KIDINS220: variants seen among roughly 807,000 people sequenced by gnomAD.
KIDINS220 encodes the protein kinase D interacting substrate 220.
In KIDINS220, 63 loss-of-function variants were observed where a neutral mutation model predicts 157.6. The observed-to-expected ratio is 0.40, with a 90% CI of 0.33 to 0.49. KIDINS220 has a LOEUF of 0.49. Among genes scored for constraint, KIDINS220 ranks in the 20% least tolerant of loss-of-function variants. The pLI is 0.66. For missense variants in KIDINS220, 1,772 were observed against 2,171.2 expected (o/e 0.82, Z 3.65); for synonymous variants, 732 against 783.6 (o/e 0.93, Z 1.10).
Position 8,731,225 on chromosome 2 carries a change from G to A in KIDINS220, c.4811C>T (p.Ala1604Val), listed in dbSNP as rs761174681. Residue 1604 changes from alanine to valine, a missense_variant, in exon 30 of 30, where the codon GCG becomes GTG. By Grantham distance (64) the Ala-to-Val change is moderately conservative (BLOSUM62 0). Around this residue, in one of 3 missense-constraint regions of KIDINS220, gnomAD observed 793 missense variants for 885.5 expected, o/e 0.90. Coordinates refer to ENST00000256707, the MANE Select transcript of KIDINS220 (RefSeq NM_020738.4). This position sits in a 1 kb window ranked among gnomAD's most constrained non-coding sequence, Gnocchi z 5.2. ...TGCCTTTTCAAGCTGGGAGTCATCC[G>A]CCACTTCATTGTGCAGAGAGTGATT... ...SPNHSLHNEV[A>V]DDSQLEKANL... The A allele has an allele frequency of 5.0e-6, 8 of 1,614,082 alleles. No homozygotes were observed. The highest frequency in any genetic ancestry group is 1.6e-4 in the Middle Eastern group (1 of 6,062).
chr2:8,825,119 C>T (rs564956336), intron 2 of KIDINS220, among the ~76,000 whole-genome samples: 30 of 152,216 alleles, frequency 2.0e-4, no homozygotes, highest in Middle Eastern at 3.4e-3. Flanking sequence ...TGCCTGCAAT[C>T]ACAGTACTTT....
chr2:8,829,162 A>T (rs1679251416), intron 1 of KIDINS220, among the ~76,000 whole-genome samples: 1 of 152,208 alleles, frequency 6.6e-6, no homozygotes, highest in Non-Finnish European at 1.5e-5. Context: ...CCAGGGTCTA[A>T]GGCAGGGGAA....
Position 8,730,603 on chromosome 2 carries a change from C to G in KIDINS220, c.*117G>C, listed in dbSNP as rs755702087. ...GATGTCTCTTTTACCTCGGCCTCAT[C>G]ATCGGTTAGTTATCTGTCAGCAAAA... is the stretch of plus-strand genomic sequence containing the variant. On this transcript the variant is annotated 3_prime_UTR_variant, in exon 30 of 30. Transcript: ENST00000256707. 1.4e-6 allele frequency: 2 copies of G among 1,451,350 alleles called. No individual in the cohort carries two copies. Among genetic ancestry groups the G allele is most frequent in the Non-Finnish European group, 1.8e-6 (2 of 1,108,594 alleles). The allele number at this position is 1,451,350 out of a possible 1,614,324, so 89.9% of individuals were successfully genotyped here.
chr2:8,826,122 T>C (rs1678778220), intron 2 of KIDINS220, among the ~76,000 whole-genome samples: 1 of 152,124 alleles, frequency 6.6e-6, no homozygotes, highest in Non-Finnish European at 1.5e-5. Flanking sequence ...GTTTGGCTTT[T>C]CATAATGAAC....
chr2:8,835,032 T>A (rs781762277), intron 1 of KIDINS220, among the ~76,000 whole-genome samples: 3 of 152,116 alleles, frequency 2.0e-5, no homozygotes, highest in African/African-American at 2.4e-5. Flanking sequence ...TTAATTTTTG[T>A]AGAGACAGGA....
intron 22 of KIDINS220, among the ~76,000 whole-genome samples, chr2:8,755,343 T>C (rs1488098854): frequency 6.6e-6 from 1 of 152,244 alleles, no homozygotes; most frequent in Non-Finnish European, 1.5e-5. Context: ...ATATGTATCA[T>C]AATTCTGCAC....
At chr2:8,744,416 A>T in intron 26 of KIDINS220, among the ~76,000 whole-genome samples, 1 of 92,106 alleles carries the variant, frequency 1.1e-5, no homozygotes, top group African/African-American at 4.4e-5. Context: ...ATATATATAT[A>T]TATATATATA....
intron 22 of KIDINS220, among the ~76,000 whole-genome samples, chr2:8,766,448 TTTA>T (rs1281518560): frequency 6.6e-6 from 1 of 152,196 alleles, no homozygotes; most frequent in East Asian, 1.9e-4. Flanking sequence ...TCTTCTACCT[TTTA>T]TTCTTTCCAC....
Position 8,747,929 on chromosome 2 carries a change from T to G in KIDINS220, c.3486A>C (p.Pro1162=). Residue 1162 remains proline, a synonymous_variant, in exon 25 of 30, where the codon CCA becomes CCC. Coordinates refer to ENST00000256707, the MANE Select transcript of KIDINS220 (RefSeq NM_020738.4). ...PGGSQHLISR[P]SVKTSLPRDQ... is the part of the protein sequence containing the mutation. The stretch of plus-strand genomic sequence containing the variant: ...CTCTGGGCAAACTCGTTTTTACTGA[T>G]GGACGTGAGATGAGATGTTGGGAGC... 1.2e-6 allele frequency: 2 copies of G among 1,606,786 alleles called. No individual in the cohort carries two copies. The highest frequency in any genetic ancestry group is 1.7e-6 in the Non-Finnish European group (2 of 1,177,100).
Position 8,731,836 on chromosome 2 carries a change from G to C in KIDINS220, c.4200C>G (p.Gly1400=). 1.2e-6 allele frequency: 2 copies of C among 1,614,060 alleles called. No individual in the cohort carries two copies. The highest frequency in any genetic ancestry group is 1.7e-6 in the Non-Finnish European group (2 of 1,180,008). The change falls in exon 30 of 30, where the codon GGC becomes GGG. Residue 1400 remains glycine (G), a synonymous_variant. Coordinates refer to ENST00000256707, the MANE Select transcript of KIDINS220 (RefSeq NM_020738.4). This position sits in a 1 kb window ranked among gnomAD's most constrained non-coding sequence, Gnocchi z 5.2. ...YIAQMSQLEG[G]PGSTTISGRS... ...TGCCACTAATGGTTGTAGACCCGGGGCCCCCTTCTAACTGGGACATCTGAG... is the reference window on the plus strand; with the variant it reads ...TGCCACTAATGGTTGTAGACCCGGGCCCCCCTTCTAACTGGGACATCTGAG...
At chr2:8,823,975 C>CA (rs145079836) in intron 2 of KIDINS220, among the ~76,000 whole-genome samples, 12,387 of 143,750 alleles carry the variant, frequency 0.086, 605 homozygotes, top group East Asian at 0.18. Context: ...TCTGAAGACT[C>CA]AAAAAAAAAA....
intron 14 of KIDINS220, 76 bp downstream of exon 14, chr2:8,789,804 A>T (rs202105773): frequency 8.8e-7 from 1 of 1,132,212 alleles, no homozygotes; most frequent in East Asian, 2.6e-5. Context: ...AAGACAGATA[A>T]AGAAAATGTT....
chr2:8,780,819 T>TA (rs1428091451), intron 17 of KIDINS220, among the ~76,000 whole-genome samples: 6 of 150,480 alleles, frequency 4.0e-5, no homozygotes, highest in Non-Finnish European at 7.4e-5. Flanking sequence ...AATGGAATCA[T>TA]AAAAAAATGC....
downstream of KIDINS220, among the ~76,000 whole-genome samples, chr2:8,726,386 C>A (rs1293600012): frequency 2.0e-5 from 3 of 152,240 alleles, no homozygotes; most frequent in Non-Finnish European, 2.9e-5. Flanking sequence ...AATCATTTTA[C>A]TTAAAAGGTT....
At chr2:8,756,348 T>C (rs1668011202) in intron 22 of KIDINS220, among the ~76,000 whole-genome samples, 1 of 152,242 alleles carries the variant, frequency 6.6e-6, no homozygotes, top group African/African-American at 2.4e-5. Flanking sequence ...TGCTGATTAA[T>C]TAGCTCTAAT....
intron 4 of KIDINS220, among the ~76,000 whole-genome samples, chr2:8,814,280 G>C (rs1036673693): frequency 1.3e-5 from 2 of 152,196 alleles, no homozygotes; most frequent in Middle Eastern, 6.8e-3. Context: ...TCTTACTAAG[G>C]AATTTTTTTT....
intron 21 of KIDINS220, among the ~76,000 whole-genome samples, chr2:8,773,184 A>C (rs1386370128): frequency 6.6e-6 from 1 of 152,242 alleles, no homozygotes; most frequent in Non-Finnish European, 1.5e-5. Context: ...ATTTGATGAG[A>C]CATAAAAGAC....
chr2:8,749,428 G>C (rs1398279562), intron 24 of KIDINS220: 1 of 455,906 alleles, frequency 2.2e-6, no homozygotes, highest in Non-Finnish European at 4.4e-6. Context: ...TTTCCTACAG[G>C]AAATATTAGT....
intron 1 of KIDINS220, among the ~76,000 whole-genome samples, chr2:8,834,707 G>C (rs1680145633): frequency 1.3e-5 from 2 of 152,128 alleles, no homozygotes; most frequent in Non-Finnish European, 2.9e-5. Context: ...ACATGCCCAA[G>C]CTGATCCAAC....
Sources: allele counts gnomAD v4.1 joint callset (sites outside exome capture counted in the v4.1 genomes callset), GRCh38; gene constraint gnomAD v4.1.1; regional missense constraint gnomAD v4.1.1; non-coding constraint Gnocchi (gnomAD v3.1); transcripts MANE v1.5; gene names NCBI Gene and HGNC (gene_info 2026-07-23, HGNC 2026-07-21).